RCAN2: variants seen among roughly 807,000 people sequenced by gnomAD.
The protein encoded by RCAN2 is calcipressin-2.
A neutral mutation model predicts 23.6 loss-of-function variants in RCAN2; 9 were observed. The observed-to-expected ratio is 0.38, with a 90% CI of 0.23 to 0.67. RCAN2 has a LOEUF of 0.67. Ranked by LOEUF, RCAN2 falls within the 30% of genes least tolerant of loss-of-function variation. The pLI is 0.51. For synonymous variants in RCAN2, 109 were observed against 115.7 expected (o/e 0.94, Z 0.37); for missense variants, 273 against 302.3 (o/e 0.90, Z 0.72).
At chr6:46,470,917 T>G (rs1768539336) in intron 1 of RCAN2, among the ~76,000 whole-genome samples, 1 of 152,252 alleles carries the variant, frequency 6.6e-6, no homozygotes, top group Non-Finnish European at 1.5e-5. Flanking sequence ...AATTCACCTC[T>G]CCTCATTCAC....
At chr6:46,231,030 T>C (rs79819660) in intron 4 of RCAN2, among the ~76,000 whole-genome samples, 2 of 152,166 alleles carry the variant, frequency 1.3e-5, no homozygotes, top group Non-Finnish European at 2.9e-5. Flanking sequence ...TTGTTATTGG[T>C]TGAATTGAGT....
In RCAN2 at chr6:46,428,010, C is replaced by A. The variant is rs189504754; in HGVS notation, c.225+28742G>T. 3.6e-4 allele frequency among the ~76,000 whole-genome samples: 55 copies of A among 151,834 alleles called. No individual in the cohort carries two copies. The East Asian group carries it at 9.7e-3, about 27-fold the overall frequency. On this transcript the variant is annotated intron_variant, in intron 2 of 4. Coordinates refer to ENST00000371374, the MANE Select transcript of RCAN2 (RefSeq NM_001251974.2). ...ACAGGATGAATCTGTGAGGGCTAAG[C>A]TAGGACCACAATTCAGCTACAGGGT...
At chr6:46,405,686 G>A (rs1156322407) in intron 2 of RCAN2, among the ~76,000 whole-genome samples, 2 of 152,200 alleles carry the variant, frequency 1.3e-5, no homozygotes, top group South Asian at 2.1e-4. Flanking sequence ...CCAGACTCAG[G>A]AGCCCAGCTG....
chr6:46,375,700 T>C (rs1322621289), intron 2 of RCAN2, among the ~76,000 whole-genome samples: 1 of 152,222 alleles, frequency 6.6e-6, no homozygotes, highest in Non-Finnish European at 1.5e-5. Flanking sequence ...TTGTAGGCCA[T>C]ACCGTCTCTG....
intron 2 of RCAN2, among the ~76,000 whole-genome samples, chr6:46,297,514 G>A (rs1762761776): frequency 6.6e-6 from 1 of 152,004 alleles, no homozygotes; most frequent in Admixed American, 6.6e-5. Flanking sequence ...GACACCCCCC[G>A]CTTTGCCTAA....
rs73452295 is a variant in RCAN2, at chr6:46,334,293, G to A, written c.226-85397C>T. ...ATGGAAAGCCAGCTCCTTGAGAAGC[G>A]GGCTCCTCTACCTTGCCCACAGCTA... On this transcript the variant is annotated intron_variant, in intron 2 of 4. Transcript: ENST00000371374. Among the ~76,000 whole-genome samples the A allele has an allele frequency of 2.6e-3, 393 of 152,288 alleles. 2 individuals carry two copies. The highest frequency in any genetic ancestry group is 9.0e-3 in the African/African-American group (376 of 41,558).
At chr6:46,257,169 G>T (rs1365765023) in intron 2 of RCAN2, among the ~76,000 whole-genome samples, 1 of 152,112 alleles carries the variant, frequency 6.6e-6, no homozygotes, top group Non-Finnish European at 1.5e-5. Flanking sequence ...AGTGACCTCA[G>T]TACTCAGGGA....
At chr6:46,424,631 T>C (rs1430732374) in intron 2 of RCAN2, among the ~76,000 whole-genome samples, 1 of 152,150 alleles carries the variant, frequency 6.6e-6, no homozygotes. Flanking sequence ...CACACACCCC[T>C]ACTTATCTGG....
At chr6:46,476,205 G>A (rs1439312010) in intron 1 of RCAN2, among the ~76,000 whole-genome samples, 1 of 152,140 alleles carries the variant, frequency 6.6e-6, no homozygotes, top group Non-Finnish European at 1.5e-5. Flanking sequence ...CTCACAGCTA[G>A]CACAGCAGAA....
At chr6:46,296,284 G>C (rs1762728389) in intron 2 of RCAN2, among the ~76,000 whole-genome samples, 1 of 152,038 alleles carries the variant, frequency 6.6e-6, no homozygotes, top group African/African-American at 2.4e-5. Context: ...ACAATACCAT[G>C]TTTCTGAGTC....
At chr6:46,289,160 G>C (rs1762460577) in intron 2 of RCAN2, among the ~76,000 whole-genome samples, 1 of 152,072 alleles carries the variant, frequency 6.6e-6, no homozygotes, top group Admixed American at 6.6e-5. Context: ...TCAAAAACTG[G>C]GTCTGATGCC....
At chr6:46,239,813 T>C (rs982640163) in intron 4 of RCAN2, among the ~76,000 whole-genome samples, 2 of 152,174 alleles carry the variant, frequency 1.3e-5, no homozygotes, top group Admixed American at 6.5e-5. Flanking sequence ...GGTTTCTCTC[T>C]AATACTAGAT....
chr6:46,415,277 G>T (rs993031056), intron 2 of RCAN2, among the ~76,000 whole-genome samples: 7 of 152,126 alleles, frequency 4.6e-5, no homozygotes, highest in African/African-American at 1.7e-4. Context: ...ATAGAATCAA[G>T]ACGCTTAAAA....
chr6:46,368,406 C>T (rs142920513), intron 2 of RCAN2, among the ~76,000 whole-genome samples: 4 of 152,146 alleles, frequency 2.6e-5, no homozygotes, highest in African/African-American at 9.7e-5. Context: ...AAAATACACA[C>T]CCCTTTCCCC....
At chr6:46,255,481 G>A (rs769287657) in intron 2 of RCAN2, among the ~76,000 whole-genome samples, 4 of 152,048 alleles carry the variant, frequency 2.6e-5, no homozygotes, top group African/African-American at 4.8e-5. Context: ...AAAAGTAGAA[G>A]ACAAAAAAAT....
chr6:46,342,912 C>T (rs1054928550), intron 2 of RCAN2, among the ~76,000 whole-genome samples: 1 of 152,000 alleles, frequency 6.6e-6, no homozygotes, highest in Non-Finnish European at 1.5e-5. Context: ...AAAAAGAGAT[C>T]TGTGGGACAA....
At chr6:46,224,904 C>A (rs1369665044) in intron 4 of RCAN2, among the ~76,000 whole-genome samples, 1 of 151,452 alleles carries the variant, frequency 6.6e-6, no homozygotes, top group Non-Finnish European at 1.5e-5. Flanking sequence ...TCGTCATTTA[C>A]ATATCTCCTA....
At chr6:46,236,420 T>G (rs1290687829) in intron 4 of RCAN2, among the ~76,000 whole-genome samples, 1 of 151,448 alleles carries the variant, frequency 6.6e-6, no homozygotes, top group Admixed American at 6.6e-5. Flanking sequence ...TGTTGCCGTT[T>G]TAATGAGATC....
Position 46,296,959 on chromosome 6 carries a change from T to C in RCAN2, c.226-48063A>G, listed in dbSNP as rs147370830. Among the ~76,000 whole-genome samples, 854 of 152,228 alleles carry C rather than the reference T, an allele frequency of 5.6e-3. 8 individuals are homozygous for C. The highest frequency in any genetic ancestry group is 0.02 in the African/African-American group (831 of 41,556). On this transcript the variant is annotated intron_variant, in intron 2 of 4. Coordinates refer to ENST00000371374, the MANE Select transcript of RCAN2 (RefSeq NM_001251974.2). ...GAGGTCAGGTCCTGTCTCTTTCCAT[T>C]ATACCCAGACACATCCACCAAAAAT...
Sources: gnomAD v4.1 joint callset for allele counts (sites outside exome capture counted in the v4.1 genomes callset) on GRCh38, gnomAD v4.1.1 for gene constraint, MANE v1.5 for transcripts, NCBI Gene and HGNC (gene_info 2026-07-23, HGNC 2026-07-21) for gene names.